The following FAM120A variants were observed in gnomAD, a reference collection of about 807,000 sequenced individuals.
FAM120A encodes constitutive coactivator of PPAR-gamma-like protein 1.
In FAM120A, 15 loss-of-function variants were observed where a neutral mutation model predicts 109.7. The observed-to-expected ratio is 0.14, with a 90% CI of 0.09 to 0.21. The LOEUF (loss-of-function observed/expected upper bound fraction) is 0.21. Among genes scored for constraint, FAM120A ranks in the 10% least tolerant of loss-of-function variants. The pLI is 1.00. For missense variants in FAM120A, 899 were observed against 1,439.3 expected, an observed-to-expected ratio of 0.62 and a Z score of 6.07; for synonymous variants, 493 against 572.8, an observed-to-expected ratio of 0.86 and a Z score of 1.99.
At chr9:93,549,075 A>C (rs1273809107) in intron 11 of FAM120A, among the ~76,000 whole-genome samples, 2 of 152,066 alleles carry the variant, frequency 1.3e-5, no homozygotes, top group African/African-American at 4.8e-5. Flanking sequence ...ACCAAAAAAA[A>C]ACCAAACCTC....
At position 93,513,963 on chromosome 9, in the gene FAM120A, G is replaced by A. The variant is rs78328211; in HGVS notation, c.1031-1704G>A. 2.6e-5 allele frequency among the ~76,000 whole-genome samples: 4 copies of A among 152,162 alleles called. No homozygotes were observed. In the East Asian group the frequency reaches 7.7e-4, roughly 29 times the overall value. Reference sequence around the variant, plus strand: ...GCAGTGTGAGAGGTGGTGGTTCTTGGGTTGTGTTCCCCTTGCCTGGTGTTT... The same window carrying A: ...GCAGTGTGAGAGGTGGTGGTTCTTGAGTTGTGTTCCCCTTGCCTGGTGTTT... On this transcript the variant is annotated intron_variant, in intron 5 of 17. Coordinates refer to ENST00000277165, the MANE Select transcript of FAM120A (RefSeq NM_014612.5).
rs1342961794 is a variant in FAM120A, at chr9:93,534,308, C to T, written c.1909+1979C>T. ...GGAAGCCAGGGCAGGCCACAGCTTT[C>T]ATGGTGTCAGACTGCCCCGACCTTC... On this transcript the variant is annotated intron_variant, in intron 10 of 17. Transcript: ENST00000277165. 3.9e-5 allele frequency among the ~76,000 whole-genome samples: 6 copies of T among 152,162 alleles called. No homozygotes were observed. In the East Asian group the frequency reaches 1.2e-3, roughly 29 times the overall value.
At chr9:93,521,184 C>G (rs1257181614) in intron 7 of FAM120A, among the ~76,000 whole-genome samples, 1 of 152,200 alleles carries the variant, frequency 6.6e-6, no homozygotes, top group Non-Finnish European at 1.5e-5. Flanking sequence ...CTGTTGGAAG[C>G]TCAGTTCTGA....
At chr9:93,557,198 C>T (rs1862315740) in intron 13 of FAM120A, among the ~76,000 whole-genome samples, 1 of 146,820 alleles carries the variant, frequency 6.8e-6, no homozygotes, top group Admixed American at 6.9e-5. Flanking sequence ...GGTGCGGTCT[C>T]AGCTCACTGT....
intron 1 of FAM120A, among the ~76,000 whole-genome samples, chr9:93,469,215 A>G (rs774204893): frequency 6.6e-6 from 1 of 152,134 alleles, no homozygotes; most frequent in Non-Finnish European, 1.5e-5. Context: ...AAGCTGGGAG[A>G]TGAGTGCTGG....
At chr9:93,541,761 A>C (rs1006225959) in intron 10 of FAM120A, among the ~76,000 whole-genome samples, 1 of 152,202 alleles carries the variant, frequency 6.6e-6, no homozygotes, top group Non-Finnish European at 1.5e-5. Context: ...AGGGGACACT[A>C]TCTGGAGTTG....
intron 5 of FAM120A, among the ~76,000 whole-genome samples, chr9:93,504,841 C>T (rs902290489): frequency 4.6e-5 from 7 of 152,108 alleles, no homozygotes; most frequent in African/African-American, 1.2e-4. Flanking sequence ...CTGCCGGACA[C>T]GGATACACCT....
At chr9:93,521,176 G>A (rs928408749) in intron 7 of FAM120A, among the ~76,000 whole-genome samples, 2 of 152,178 alleles carry the variant, frequency 1.3e-5, no homozygotes, top group Non-Finnish European at 2.9e-5. Flanking sequence ...AGGTGAACCT[G>A]TTGGAAGCTC....
intron 1 of FAM120A, among the ~76,000 whole-genome samples, chr9:93,456,604 A>T (rs1857557707): frequency 6.6e-6 from 1 of 152,214 alleles, no homozygotes; most frequent in African/African-American, 2.4e-5. Context: ...TTTAATCCTC[A>T]GAGTGCTTTG....
At chr9:93,480,921 GC>G (rs1858770413) in intron 3 of FAM120A, among the ~76,000 whole-genome samples, 1 of 152,240 alleles carries the variant, frequency 6.6e-6, no homozygotes, top group African/African-American at 2.4e-5. Context: ...AGTGTGGCTG[GC>G]AGTGTTGCAT....
At chr9:93,482,336 C>T (rs984855881) in intron 3 of FAM120A, among the ~76,000 whole-genome samples, 1 of 151,858 alleles carries the variant, frequency 6.6e-6, no homozygotes, top group Admixed American at 6.6e-5. Flanking sequence ...TACAGGTACA[C>T]GCTGTTGCCA....
At chr9:93,550,845 A>G (rs998222112) in intron 12 of FAM120A, among the ~76,000 whole-genome samples, 154 bp downstream of exon 12, 10 of 152,258 alleles carry the variant, frequency 6.6e-5, no homozygotes, top group African/African-American at 1.7e-4. Context: ...AACTTGATCA[A>G]TCGCCTTCAT....
At chr9:93,463,836 A>G (rs1588782643) in intron 1 of FAM120A, among the ~76,000 whole-genome samples, 3 of 152,334 alleles carry the variant, frequency 2.0e-5, no homozygotes, top group East Asian at 3.9e-4. Flanking sequence ...ATGAGAACCC[A>G]TAGTGTTTCA....
chr9:93,517,835 G>C (rs1052164084), intron 7 of FAM120A, among the ~76,000 whole-genome samples: 1 of 152,156 alleles, frequency 6.6e-6, no homozygotes, highest in African/African-American at 2.4e-5. Flanking sequence ...AATTTGGCAA[G>C]TTGTCTTTGT....
chr9:93,549,329 TC>T (rs922551934), intron 11 of FAM120A, among the ~76,000 whole-genome samples: 1 of 152,250 alleles, frequency 6.6e-6, no homozygotes, highest in African/African-American at 2.4e-5. Flanking sequence ...TGCTTCAGTT[TC>T]CCCTTCTCTA....
At chr9:93,545,569 C>G (rs1196957235) in intron 11 of FAM120A, among the ~76,000 whole-genome samples, 1 of 152,162 alleles carries the variant, frequency 6.6e-6, no homozygotes, top group Non-Finnish European at 1.5e-5. Context: ...GCATGACTGA[C>G]CATCCCTCCC....
intron 17 of FAM120A, 64 bp from the exon 18 acceptor site, chr9:93,564,165 G>A: frequency 3.3e-6 from 5 of 1,513,210 alleles, no homozygotes; most frequent in Non-Finnish European, 3.6e-6. Flanking sequence ...GGCCAAAATT[G>A]GCATCCTCTC....
chr9:93,549,845 T>C (rs1455020373), intron 11 of FAM120A, among the ~76,000 whole-genome samples: 1 of 152,218 alleles, frequency 6.6e-6, no homozygotes, highest in African/African-American at 2.4e-5. Context: ...AGCCCTTCAC[T>C]TTTTCACGCC....
intron 14 of FAM120A, 60 bp from the exon 15 acceptor site, chr9:93,558,521 C>T: frequency 6.3e-7 from 1 of 1,586,168 alleles, no homozygotes; most frequent in South Asian, 1.1e-5. Flanking sequence ...GAATACCCAG[C>T]AGGGCCCTGA....
Sources: allele counts gnomAD v4.1 joint callset (sites outside exome capture counted in the v4.1 genomes callset), GRCh38; gene constraint gnomAD v4.1.1; transcripts MANE v1.5; gene names NCBI Gene and HGNC (gene_info 2026-07-23, HGNC 2026-07-21).